The following PIK3AP1 variants were observed in gnomAD, a reference collection of about 807,000 sequenced individuals.
PIK3AP1 encodes the protein phosphoinositide-3-kinase adaptor protein 1.
Under a neutral mutation model 88.1 loss-of-function variants are expected in PIK3AP1, and 21 were observed. That is an observed-to-expected ratio of 0.24 (90% CI 0.17 to 0.34). The LOEUF is 0.34. PIK3AP1 is among the 10% of genes least tolerant of loss of function. The pLI, the probability that PIK3AP1 is intolerant of heterozygous loss-of-function variation, is 1.00. For synonymous variants in PIK3AP1, 398 were observed against 400.0 expected (o/e 1.00, Z 0.06); for missense variants, 828 against 1,035.7 (o/e 0.80, Z 2.75).
intron 1 of PIK3AP1, among the ~76,000 whole-genome samples, chr10:96,714,938 C>A (rs1047894575): frequency 6.6e-6 from 1 of 152,094 alleles, no homozygotes; most frequent in East Asian, 1.9e-4. Flanking sequence ...ATAACTCCAC[C>A]CTCAAGGAGG....
intron 1 of PIK3AP1, among the ~76,000 whole-genome samples, chr10:96,715,070 T>C (rs1844485118): frequency 1.3e-5 from 2 of 150,756 alleles, no homozygotes; most frequent in Middle Eastern, 3.5e-3. Flanking sequence ...AGAAACCCAG[T>C]GATCAAGGTC....
At chr10:96,677,836 C>T (rs769248721) in intron 2 of PIK3AP1, among the ~76,000 whole-genome samples, 1 of 151,756 alleles carries the variant, frequency 6.6e-6, no homozygotes, top group African/African-American at 2.4e-5. Context: ...AGAATCTGTC[C>T]CAGGGGTTCT....
At chr10:96,709,310 A>G (rs1201338661) in intron 2 of PIK3AP1, among the ~76,000 whole-genome samples, 1 of 152,016 alleles carries the variant, frequency 6.6e-6, no homozygotes, top group Non-Finnish European at 1.5e-5. Context: ...TGTGTCTTCC[A>G]AGGCACAGAA....
intron 8 of PIK3AP1, 36 bp downstream of exon 8, chr10:96,645,437 A>G (rs767284269): frequency 6.3e-7 from 1 of 1,598,720 alleles, no homozygotes; most frequent in Non-Finnish European, 8.5e-7. Flanking sequence ...GTTTCTCAGC[A>G]GAAAGGTGGA....
At chr10:96,718,141 G>A (rs1312073118) in intron 1 of PIK3AP1, among the ~76,000 whole-genome samples, 4 of 152,192 alleles carry the variant, frequency 2.6e-5, no homozygotes, top group African/African-American at 9.7e-5. Flanking sequence ...AGGGCTGGGA[G>A]AGGAGAGGAG....
At chr10:96,640,727 G>A (rs1400897845) in intron 8 of PIK3AP1, among the ~76,000 whole-genome samples, 3 of 151,826 alleles carry the variant, frequency 2.0e-5, no homozygotes, top group Non-Finnish European at 4.4e-5. Flanking sequence ...GTGCAGTCAT[G>A]GCTCACTGCA....
chr10:96,602,204 C>T (rs1848909949), intron 16 of PIK3AP1, 76 bp downstream of exon 16: 4 of 1,222,896 alleles, frequency 3.3e-6, no homozygotes, highest in Admixed American at 2.0e-5. Context: ...CTTTAGTCAT[C>T]TTAGGTGTTT....
At chr10:96,663,359 G>A (rs919375054) in intron 2 of PIK3AP1, among the ~76,000 whole-genome samples, 1 of 152,062 alleles carries the variant, frequency 6.6e-6, no homozygotes, top group Non-Finnish European at 1.5e-5. Flanking sequence ...GCTGGGCGCG[G>A]TGGCTCATAC....
intron 13 of PIK3AP1, among the ~76,000 whole-genome samples, chr10:96,612,982 A>ATTT (rs3979626): frequency 2.9e-5 from 1 of 34,798 alleles, no homozygotes; most frequent in African/African-American, 1.2e-4. Flanking sequence ...ATATATATAT[A>ATTT]TTTTTTTTTT....
chr10:96,609,421 T>A (rs895968448), intron 14 of PIK3AP1, among the ~76,000 whole-genome samples: 2 of 152,244 alleles, frequency 1.3e-5, no homozygotes, highest in African/African-American at 4.8e-5. Flanking sequence ...TTAGATAATC[T>A]ATAAAGAGGC....
intron 8 of PIK3AP1, among the ~76,000 whole-genome samples, chr10:96,645,006 T>C (rs1410250288): frequency 6.6e-6 from 1 of 152,198 alleles, no homozygotes; most frequent in Non-Finnish European, 1.5e-5. Context: ...TCTTTTGTCA[T>C]GACTTCTGGT....
At chr10:96,596,493 A>ACACACCTTTTAAGTT (rs1848756242) in intron 16 of PIK3AP1, among the ~76,000 whole-genome samples, 1 of 152,072 alleles carries the variant, frequency 6.6e-6, no homozygotes, top group African/African-American at 2.4e-5. Flanking sequence ...TAATAATAAA[A>ACACACCTTTTAAGTT]CCTAGGTTTT....
rs1159192380 is a variant in PIK3AP1 at position 96,690,534 on chromosome 10, T to C, written c.430+19033A>G. ...CTTGGCTCCCAAAGTGCTGGAATTATAGGTGTGAACCATTGCACCCAGCCC... is the reference window on the plus strand; with the variant it reads ...CTTGGCTCCCAAAGTGCTGGAATTACAGGTGTGAACCATTGCACCCAGCCC... On this transcript the variant is annotated intron_variant, in intron 2 of 16. Coordinates refer to ENST00000339364, the MANE Select transcript of PIK3AP1 (RefSeq NM_152309.3). Among the ~76,000 whole-genome samples the C allele has an allele frequency of 3.9e-5, 6 of 152,188 alleles. No homozygotes were observed. In the East Asian group the frequency reaches 5.8e-4, roughly 15 times the overall value.
At chr10:96,702,251 A>G (rs999536744) in intron 2 of PIK3AP1, among the ~76,000 whole-genome samples, 5 of 152,194 alleles carry the variant, frequency 3.3e-5, no homozygotes, top group African/African-American at 1.2e-4. Flanking sequence ...CTGTAATCCC[A>G]ACAGTTCAGG....
In PIK3AP1 at chr10:96,623,489, G is replaced by A; in HGVS notation, c.1718C>T (p.Ser573Leu). The A allele has an allele frequency of 6.2e-7, 1 of 1,611,986 alleles. No homozygotes were observed. The highest frequency in any genetic ancestry group is 1.1e-5 in the South Asian group (1 of 91,026). ...TGGCTTACCTTTCCTGATGCTCTCTGAGGAAACGTAGAAATTCCCAGGCCG... is the reference window on the plus strand; with the variant it reads ...TGGCTTACCTTTCCTGATGCTCTCTAAGGAAACGTAGAAATTCCCAGGCCG... ...QERPGNFYVS[S>L]ESIRKGPPVR... The change falls in exon 11 of 17, where the codon TCA (serine) becomes TTA (leucine). Residue 573 changes from serine to leucine, a missense_variant. Transcript: ENST00000339364.
intron 8 of PIK3AP1, among the ~76,000 whole-genome samples, chr10:96,630,684 G>GA (rs1055243004): frequency 5.3e-5 from 8 of 149,876 alleles, no homozygotes; most frequent in Non-Finnish European, 7.4e-5. Context: ...AAAAAAAAAA[G>GA]AAAAAAAAAT....
chr10:96,606,945 A>G (rs1849013499), intron 14 of PIK3AP1, among the ~76,000 whole-genome samples: 1 of 152,244 alleles, frequency 6.6e-6, no homozygotes, highest in Non-Finnish European at 1.5e-5. Context: ...AAAAAGAAAG[A>G]AAGAAAAAAG....
chr10:96,678,678 G>T (rs1320140330), intron 2 of PIK3AP1, among the ~76,000 whole-genome samples: 1 of 152,012 alleles, frequency 6.6e-6, no homozygotes, highest in Non-Finnish European at 1.5e-5. Context: ...TCCTTCCTTG[G>T]GATCTTGCAA....
intron 2 of PIK3AP1, among the ~76,000 whole-genome samples, chr10:96,673,093 C>T (rs1321737069): frequency 6.6e-6 from 1 of 152,216 alleles, no homozygotes; most frequent in Non-Finnish European, 1.5e-5. Flanking sequence ...AAGGAACAGC[C>T]ACTCTCAGAA....
Sources: gnomAD v4.1 joint callset for allele counts (sites outside exome capture counted in the v4.1 genomes callset) on GRCh38, gnomAD v4.1.1 for gene constraint, MANE v1.5 for transcripts, NCBI Gene and HGNC (gene_info 2026-07-23, HGNC 2026-07-21) for gene names.